Variants in CEP128 observed in about 807,000 individuals in gnomAD.
CEP128 encodes the protein centrosomal protein 128kDa.
A neutral mutation model predicts 156.7 loss-of-function variants in CEP128; 132 were observed. The ratio of observed to expected loss-of-function variants is 0.84; its 90% CI spans 0.73 to 0.97. CEP128 has a LOEUF of 0.97. Among genes scored for constraint, CEP128 ranks in the 50% least tolerant of loss-of-function variants. The pLI is 0.00. For missense variants in CEP128, 1,252 were observed against 1,281.9 expected, an observed-to-expected ratio of 0.98 and a Z score of 0.36; for synonymous variants, 469 against 448.9, an observed-to-expected ratio of 1.04 and a Z score of -0.57.
chr14:80,591,474 T>C lies in CEP128; in HGVS notation c.2807-11051A>G, dbSNP rs547769675. Among the ~76,000 whole-genome samples the C allele has an allele frequency of 3.4e-4, 52 of 152,158 alleles. 1 individual carries two copies. Among genetic ancestry groups the C allele is most frequent in the Non-Finnish European group, 2.5e-4 (17 of 67,994 alleles). Reference sequence around the variant, plus strand: ...GAGCTAACTATCCTAATTATATATGTACCCAATATAGGAGCACCCAGATCC... The same window carrying C: ...GAGCTAACTATCCTAATTATATATGCACCCAATATAGGAGCACCCAGATCC... On this transcript the variant is annotated intron_variant, in intron 19 of 24. Transcript: ENST00000555265.
intron 19 of CEP128, among the ~76,000 whole-genome samples, chr14:80,702,416 T>C (rs531134615): frequency 2.6e-5 from 4 of 152,206 alleles, no homozygotes; most frequent in African/African-American, 9.6e-5. Flanking sequence ...TGTGTGTGCA[T>C]TCCTCACCAT....
chr14:80,778,177 TTAAAA>T lies in CEP128; in HGVS notation c.2212-136_2212-132del. ...CGTTCAAAGCATTCATATATAAATA[TTAAAA>T]TAAACACAAAGGAAATGTTCTTTGC... On this transcript the variant is annotated intron_variant, in intron 15 of 24. Coordinates refer to ENST00000555265, the MANE Select transcript of CEP128 (RefSeq NM_152446.5). 3 of 716,946 alleles carry T rather than the reference TTAAAA, an allele frequency of 4.2e-6. No homozygotes were observed. The South Asian group carries it at 5.3e-5, about 13-fold the overall frequency. The allele number at this position is 716,946 out of a possible 1,614,324, so 44.4% of individuals were successfully genotyped here.
chr14:80,728,321 G>C (rs1386025510), intron 19 of CEP128, among the ~76,000 whole-genome samples: 1 of 152,062 alleles, frequency 6.6e-6, no homozygotes, highest in Admixed American at 6.6e-5. Context: ...GAGTACACAT[G>C]GACACAAAGA....
chr14:80,530,205 C>A (rs1422027358), intron 22 of CEP128, among the ~76,000 whole-genome samples: 1 of 152,200 alleles, frequency 6.6e-6, no homozygotes, highest in Non-Finnish European at 1.5e-5. Context: ...TGGGACCAGA[C>A]CTTGTCTGGC....
chr14:80,696,859 T>C (rs1200253656), intron 19 of CEP128, among the ~76,000 whole-genome samples: 1 of 152,168 alleles, frequency 6.6e-6, no homozygotes, highest in East Asian at 1.9e-4. Context: ...GAATATAAAA[T>C]TCACAGAGCG....
chr14:80,665,429 A>G (rs1895574253), intron 19 of CEP128, among the ~76,000 whole-genome samples: 1 of 152,224 alleles, frequency 6.6e-6, no homozygotes, highest in African/African-American at 2.4e-5. Flanking sequence ...TTAATTGACT[A>G]TCCCAGCTTC....
intron 4 of CEP128, among the ~76,000 whole-genome samples, chr14:80,911,269 C>A (rs182661312): frequency 3.9e-5 from 6 of 152,134 alleles, no homozygotes; most frequent in African/African-American, 7.2e-5. Context: ...GAGGCCAAGG[C>A]GGAAGGATCA....
At chr14:80,687,364 G>A (rs1177024054) in intron 19 of CEP128, among the ~76,000 whole-genome samples, 5 of 151,986 alleles carry the variant, frequency 3.3e-5, no homozygotes, top group Admixed American at 1.3e-4. Flanking sequence ...TAAAGAAAAC[G>A]AGGTACATAC....
intron 4 of CEP128, 38 bp downstream of exon 4, chr14:80,914,284 G>A (rs1161402710): frequency 1.4e-6 from 2 of 1,480,978 alleles, no homozygotes; most frequent in Admixed American, 3.4e-5. Flanking sequence ...TCCCAAAAAG[G>A]TGGGTAGGAG....
chr14:80,732,296 T>C (rs1481921422), intron 19 of CEP128, among the ~76,000 whole-genome samples: 1 of 152,014 alleles, frequency 6.6e-6, no homozygotes, highest in Non-Finnish European at 1.5e-5. Context: ...GCAAACATGA[T>C]AAAAAGGGCT....
intron 19 of CEP128, among the ~76,000 whole-genome samples, chr14:80,583,726 C>T (rs1356103221): frequency 6.6e-6 from 1 of 152,186 alleles, no homozygotes; most frequent in Non-Finnish European, 1.5e-5. Context: ...GCCCACAAAC[C>T]TCCTGGACTT....
intron 23 of CEP128, among the ~76,000 whole-genome samples, chr14:80,513,745 T>C (rs1031193432): frequency 7.2e-5 from 11 of 152,204 alleles, no homozygotes; most frequent in African/African-American, 2.7e-4. Context: ...CGTGACTTAC[T>C]TTCCAATCTG....
intron 13 of CEP128, among the ~76,000 whole-genome samples, chr14:80,823,345 G>C (rs1885290445): frequency 6.6e-6 from 1 of 152,204 alleles, no homozygotes; most frequent in Non-Finnish European, 1.5e-5. Context: ...CTTCCTGAAA[G>C]TCAGGGTCGG....
intron 19 of CEP128, among the ~76,000 whole-genome samples, chr14:80,586,860 C>G (rs1891841798): frequency 1.3e-5 from 2 of 152,064 alleles, no homozygotes; most frequent in South Asian, 4.2e-4. Flanking sequence ...ATAACATTTA[C>G]CAGCAAACAT....
At position 80,648,494 on chromosome 14, in the gene CEP128, G is replaced by T. The variant is rs142058229; in HGVS notation, c.2807-68071C>A. On this transcript the variant is annotated intron_variant, in intron 19 of 24. Coordinates refer to ENST00000555265, the MANE Select transcript of CEP128 (RefSeq NM_152446.5). Reference sequence around the variant, plus strand: ...AACTAATATTACTAGCCCTCCTTTGGTATACTTCATTTCTTTATTAAATTA... The same window carrying T: ...AACTAATATTACTAGCCCTCCTTTGTTATACTTCATTTCTTTATTAAATTA... Among the ~76,000 whole-genome samples, 1,036 of 151,866 alleles carry T rather than the reference G, an allele frequency of 6.8e-3. 8 individuals carry two copies. Among genetic ancestry groups the T allele is most frequent in the Non-Finnish European group, 9.4e-3 (637 of 67,930 alleles).
At chr14:80,823,428 G>A (rs2140007889) in intron 13 of CEP128, among the ~76,000 whole-genome samples, 1 of 152,320 alleles carries the variant, frequency 6.6e-6, no homozygotes, top group East Asian at 1.9e-4. Context: ...CCTGTTCAGA[G>A]CATCAGATGA....
At chr14:80,549,846 G>C (rs893075838) in intron 21 of CEP128, among the ~76,000 whole-genome samples, 17 of 152,134 alleles carry the variant, frequency 1.1e-4, no homozygotes, top group African/African-American at 4.1e-4. Flanking sequence ...GTTAGATCCA[G>C]GGTAAAAAGG....
intron 2 of CEP128, among the ~76,000 whole-genome samples, chr14:80,938,944 A>C (rs1213069392): frequency 6.6e-6 from 1 of 152,230 alleles, no homozygotes; most frequent in Admixed American, 6.5e-5. Flanking sequence ...GCCCCTTGGC[A>C]GTGGGTGGGA....
chr14:80,954,067 A>C (rs1309700682), intron 2 of CEP128, among the ~76,000 whole-genome samples: 2 of 152,142 alleles, frequency 1.3e-5, no homozygotes, highest in East Asian at 3.9e-4. Context: ...CAGGAGATCG[A>C]GACCAGCCTG....
Sources: gnomAD v4.1 joint callset for allele counts (sites outside exome capture counted in the v4.1 genomes callset) on GRCh38, gnomAD v4.1.1 for gene constraint, MANE v1.5 for transcripts, NCBI Gene and HGNC (gene_info 2026-07-23, HGNC 2026-07-21) for gene names.